SH3RF3: variants seen among roughly 807,000 people sequenced by gnomAD.
SH3RF3 encodes E3 ubiquitin-protein ligase SH3RF3.
Under a neutral mutation model 66.3 loss-of-function variants are expected in SH3RF3, and 29 were observed. That is an observed-to-expected ratio of 0.44 (90% CI 0.33 to 0.60). SH3RF3 has a LOEUF of 0.60. SH3RF3 is among the 20% of genes least tolerant of loss of function. The pLI is 0.04. For missense variants in SH3RF3, 1,194 were observed against 1,190.9 expected (o/e 1.00, Z -0.04); for synonymous variants, 583 against 532.0 (o/e 1.10, Z -1.32).
chr2:109,186,993 G>T (rs567665774), intron 1 of SH3RF3, among the ~76,000 whole-genome samples: 14 of 152,054 alleles, frequency 9.2e-5, no homozygotes, highest in Admixed American at 4.6e-4. Context: ...AAGTTTGCTC[G>T]TCTCCCAGAG....
At chr2:109,486,252 T>C (rs1678974335) in intron 8 of SH3RF3, among the ~76,000 whole-genome samples, 1 of 152,198 alleles carries the variant, frequency 6.6e-6, no homozygotes, top group Admixed American at 6.5e-5. Flanking sequence ...CATTTTTTGG[T>C]CCTCATTTCA....
intron 1 of SH3RF3, among the ~76,000 whole-genome samples, chr2:109,209,899 C>T (rs1678929183): frequency 6.6e-6 from 1 of 152,124 alleles, no homozygotes; most frequent in Non-Finnish European, 1.5e-5. Context: ...AGTACGTCCC[C>T]CCTGTTTTGT....
chr2:109,180,279 C>T (rs573623479), intron 1 of SH3RF3, among the ~76,000 whole-genome samples: 9 of 152,316 alleles, frequency 5.9e-5, no homozygotes, highest in Admixed American at 4.6e-4. Flanking sequence ...CTGCTTCTCT[C>T]TGAGTCCGCT....
chr2:109,464,465 C>T (rs1188737704), intron 8 of SH3RF3, among the ~76,000 whole-genome samples: 1 of 152,174 alleles, frequency 6.6e-6, no homozygotes, highest in African/African-American at 2.4e-5. Context: ...CATGTGCACA[C>T]ATGTAAACAT....
chr2:109,286,937 G>A (rs1472657988), intron 1 of SH3RF3, among the ~76,000 whole-genome samples: 1 of 152,214 alleles, frequency 6.6e-6, no homozygotes, highest in Non-Finnish European at 1.5e-5. Flanking sequence ...GTGAGCATTT[G>A]TGGACCCTGC....
At chr2:109,494,998 T>A (rs1679222598) in intron 9 of SH3RF3, among the ~76,000 whole-genome samples, 1 of 152,124 alleles carries the variant, frequency 6.6e-6, no homozygotes. Flanking sequence ...CAGGCTCAGC[T>A]GCCCTGCCCC....
At chr2:109,167,630 G>C (rs889515630) in intron 1 of SH3RF3, among the ~76,000 whole-genome samples, 1 of 152,144 alleles carries the variant, frequency 6.6e-6, no homozygotes, top group Non-Finnish European at 1.5e-5. Context: ...GGAGTGCAGC[G>C]GCACGATCTC....
At chr2:109,254,517 G>A (rs1680173428) in intron 1 of SH3RF3, among the ~76,000 whole-genome samples, 1 of 152,204 alleles carries the variant, frequency 6.6e-6, no homozygotes, top group African/African-American at 2.4e-5. Context: ...CTCTGACACT[G>A]AGCTGATGTA....
chr2:109,232,518 C>T lies in SH3RF3; in HGVS notation c.573+102405C>T, dbSNP rs1574518595. ...AACACTGACTGAGGGGGAAATGAAACAGCACAGCGTCTCCCATGCTGTAAT... is the reference window on the plus strand; with the variant it reads ...AACACTGACTGAGGGGGAAATGAAATAGCACAGCGTCTCCCATGCTGTAAT... On this transcript the variant is annotated intron_variant, in intron 1 of 9. Transcript: ENST00000309415. Among the ~76,000 whole-genome samples, 3 of 152,168 alleles carry T rather than the reference C, an allele frequency of 2.0e-5. No homozygotes were observed. The South Asian group carries it at 6.2e-4, about 32-fold the overall frequency.
intron 1 of SH3RF3, among the ~76,000 whole-genome samples, chr2:109,205,781 C>T (rs771634050): frequency 8.5e-5 from 13 of 152,200 alleles, no homozygotes; most frequent in Admixed American, 2.6e-4. Flanking sequence ...AGCAGCCTCC[C>T]TGAAGCAGCG....
chr2:109,376,549 G>A (rs1683389568), intron 3 of SH3RF3, among the ~76,000 whole-genome samples: 2 of 152,224 alleles, frequency 1.3e-5, no homozygotes, highest in Admixed American at 6.5e-5. Flanking sequence ...TCAAAAAAAT[G>A]ATGAAAGACA....
At chr2:109,228,767 CTG>C (rs1315182881) in intron 1 of SH3RF3, among the ~76,000 whole-genome samples, 2 of 152,144 alleles carry the variant, frequency 1.3e-5, no homozygotes, top group Non-Finnish European at 2.9e-5. Context: ...GCTTCCGTCT[CTG>C]TGGAGTTAGA....
intron 1 of SH3RF3, among the ~76,000 whole-genome samples, chr2:109,210,649 G>T (rs1449165580): frequency 6.6e-6 from 1 of 152,162 alleles, no homozygotes; most frequent in African/African-American, 2.4e-5. Context: ...AGTAAGGGGA[G>T]AGGTGGGGTC....
intron 1 of SH3RF3, among the ~76,000 whole-genome samples, chr2:109,318,055 T>C (rs1179209833): frequency 6.7e-6 from 1 of 149,156 alleles, no homozygotes; most frequent in Non-Finnish European, 1.5e-5. Context: ...TGATCCTTTC[T>C]CTCCTCTGTT....
chr2:109,129,727 C>T lies in SH3RF3; in HGVS notation c.187C>T (p.Arg63Cys), dbSNP rs1467333552. 6 of 1,538,242 alleles carry T rather than the reference C, an allele frequency of 3.9e-6. No homozygotes were observed. The highest frequency in any genetic ancestry group is 5.2e-6 in the Non-Finnish European group (6 of 1,145,206). Residue 63 changes from arginine to cysteine, a missense_variant, in exon 1 of 10, where the codon CGC becomes TGC. Transcript: ENST00000309415. ...GCTGGAGTGCTCCGTGTGTCTGGAG[C>T]GCCTGGACACCACGGCCAAGGTGCT... ...DLLECSVCLE[R>C]LDTTAKVLPC...
chr2:109,192,530 G>C (rs970047477), intron 1 of SH3RF3, among the ~76,000 whole-genome samples: 5 of 152,118 alleles, frequency 3.3e-5, no homozygotes, highest in Non-Finnish European at 7.4e-5. Flanking sequence ...TAGAGATTTG[G>C]TAATTTCTAT....
intron 4 of SH3RF3, among the ~76,000 whole-genome samples, chr2:109,413,333 C>T (rs557191250): frequency 2.0e-5 from 3 of 152,292 alleles, no homozygotes; most frequent in East Asian, 1.9e-4. Context: ...AGGCTGGTCT[C>T]GAACTCCTGA....
chr2:109,340,472 C>A (rs1353086175), intron 1 of SH3RF3, among the ~76,000 whole-genome samples: 2 of 152,184 alleles, frequency 1.3e-5, no homozygotes, highest in Non-Finnish European at 2.9e-5. Context: ...TGGTTCTTTG[C>A]TGAATTCACT....
At chr2:109,471,746 C>A (rs1045129505) in intron 8 of SH3RF3, among the ~76,000 whole-genome samples, 1 of 152,192 alleles carries the variant, frequency 6.6e-6, no homozygotes, top group Non-Finnish European at 1.5e-5. Context: ...CCTAATAAGA[C>A]GGTCCCAAGA....
Sources: allele counts gnomAD v4.1 joint callset (sites outside exome capture counted in the v4.1 genomes callset), GRCh38; gene constraint gnomAD v4.1.1; transcripts MANE v1.5; gene names NCBI Gene and HGNC (gene_info 2026-07-23, HGNC 2026-07-21).